LRRC4C: variants seen among roughly 807,000 people sequenced by gnomAD.
LRRC4C encodes the protein leucine rich repeat containing 4C.
A neutral mutation model predicts 33.6 loss-of-function variants in LRRC4C; 5 were observed. The ratio of observed to expected loss-of-function variants is 0.15; its 90% confidence interval spans 0.08 to 0.31. The LOEUF (loss-of-function observed/expected upper bound fraction) is 0.31, where lower values mean the gene tolerates loss of function less well. Ranked by LOEUF, LRRC4C falls within the 10% of genes least tolerant of loss-of-function variation. The pLI is 1.00. For synonymous variants in LRRC4C, 329 were observed against 302.0 expected (o/e 1.09, Z -0.93); for missense variants, 560 against 796.7 (o/e 0.70, Z 3.58).
intron 1 of LRRC4C, among the ~76,000 whole-genome samples, chr11:41,174,482 A>T (rs1945110245): frequency 6.6e-6 from 1 of 152,122 alleles, no homozygotes; most frequent in African/African-American, 2.4e-5. Context: ...GAAAATAATA[A>T]ATAAAAATAT....
At chr11:41,074,030 C>T (rs1938920151) in intron 1 of LRRC4C, among the ~76,000 whole-genome samples, 1 of 152,146 alleles carries the variant, frequency 6.6e-6, no homozygotes, top group South Asian at 2.1e-4. Context: ...AATGCTATTT[C>T]AGATACAACT....
At chr11:40,231,462 A>T (rs1865192836) in intron 5 of LRRC4C, among the ~76,000 whole-genome samples, 1 of 58,170 alleles carries the variant, frequency 1.7e-5, no homozygotes, top group African/African-American at 2.9e-5. Context: ...CAACATATAC[A>T]TTTATAATAA....
At chr11:41,342,664 G>T (rs1233283985) in intron 1 of LRRC4C, among the ~76,000 whole-genome samples, 2 of 152,052 alleles carry the variant, frequency 1.3e-5, no homozygotes, top group Non-Finnish European at 2.9e-5. Context: ...TCAGTGAGCC[G>T]AGATTGTGCC....
At chr11:41,151,985 C>T (rs984818679) in intron 1 of LRRC4C, among the ~76,000 whole-genome samples, 1 of 152,176 alleles carries the variant, frequency 6.6e-6, no homozygotes, top group Non-Finnish European at 1.5e-5. Context: ...GAGGAGATAA[C>T]TTCCATTCAC....
At chr11:40,149,386 T>A (rs1047854518) in intron 5 of LRRC4C, among the ~76,000 whole-genome samples, 1 of 152,210 alleles carries the variant, frequency 6.6e-6, no homozygotes, top group African/African-American at 2.4e-5. Flanking sequence ...TAGTTCTCAT[T>A]GTTGAGATCT....
At chr11:41,039,889 C>G (rs1857322342) in intron 1 of LRRC4C, among the ~76,000 whole-genome samples, 1 of 152,030 alleles carries the variant, frequency 6.6e-6, no homozygotes, top group Admixed American at 6.6e-5. Context: ...CGCCTGTAAT[C>G]TCAGCACTTT....
chr11:40,922,599 A>G (rs1199736795), intron 2 of LRRC4C, among the ~76,000 whole-genome samples: 1 of 152,194 alleles, frequency 6.6e-6, no homozygotes, highest in Non-Finnish European at 1.5e-5. Flanking sequence ...CCCTGGTGCC[A>G]TAAACTCCCT....
intron 3 of LRRC4C, among the ~76,000 whole-genome samples, chr11:40,586,303 C>A (rs1024329783): frequency 2.7e-4 from 40 of 150,932 alleles, no homozygotes; most frequent in Non-Finnish European, 5.2e-4. Context: ...TGTCCTTCAC[C>A]CACTTTTTGA....
chr11:41,041,167 A>G (rs1031315371), intron 1 of LRRC4C, among the ~76,000 whole-genome samples: 12 of 152,204 alleles, frequency 7.9e-5, no homozygotes, highest in African/African-American at 2.9e-4. Context: ...TTGCACACAG[A>G]GAGGAGCAGC....
intron 1 of LRRC4C, among the ~76,000 whole-genome samples, chr11:41,286,644 A>G (rs991920035): frequency 2.1e-5 from 3 of 146,336 alleles, no homozygotes; most frequent in Non-Finnish European, 1.5e-5. Context: ...TTTAGAATTG[A>G]CATTTACTCT....
intron 1 of LRRC4C, among the ~76,000 whole-genome samples, chr11:40,986,517 T>C (rs1467154069): frequency 2.0e-5 from 3 of 151,924 alleles, no homozygotes; most frequent in Non-Finnish European, 4.4e-5. Flanking sequence ...ACTTGAGTCA[T>C]GGAGATCAAA....
At chr11:41,190,604 C>T (rs1171693465) in intron 1 of LRRC4C, among the ~76,000 whole-genome samples, 1 of 152,116 alleles carries the variant, frequency 6.6e-6, no homozygotes, top group East Asian at 1.9e-4. Context: ...CTCACCAATG[C>T]GGATGCATTG....
intron 1 of LRRC4C, among the ~76,000 whole-genome samples, chr11:41,341,597 TCA>T (rs1487025214): frequency 2.0e-5 from 3 of 152,174 alleles, no homozygotes; most frequent in South Asian, 2.1e-4. Flanking sequence ...GCATCAGTTC[TCA>T]GTTATCTACC....
intron 2 of LRRC4C, among the ~76,000 whole-genome samples, chr11:40,724,068 C>T (rs1482776722): frequency 1.3e-5 from 2 of 151,748 alleles, no homozygotes; most frequent in Non-Finnish European, 2.9e-5. Flanking sequence ...CTTAATTATC[C>T]TAAATATATA....
At chr11:40,731,370 C>T (rs764607155) in intron 2 of LRRC4C, among the ~76,000 whole-genome samples, 14 of 151,948 alleles carry the variant, frequency 9.2e-5, no homozygotes, top group Non-Finnish European at 1.8e-4. Context: ...TCCCCACCGC[C>T]CCTTGCTCCT....
At chr11:40,971,387 G>A (rs867557818) in intron 1 of LRRC4C, among the ~76,000 whole-genome samples, 5 of 152,202 alleles carry the variant, frequency 3.3e-5, no homozygotes, top group Non-Finnish European at 7.3e-5. Context: ...TGCTTCAGAA[G>A]AGCAAGCTGT....
chr11:40,844,856 A>G (rs1953082996), intron 2 of LRRC4C, among the ~76,000 whole-genome samples: 1 of 152,188 alleles, frequency 6.6e-6, no homozygotes, highest in South Asian at 2.1e-4. Flanking sequence ...TTCTTACCAC[A>G]CACAAAAAAT....
intron 2 of LRRC4C, among the ~76,000 whole-genome samples, chr11:40,802,613 C>T (rs1157510359): frequency 6.6e-6 from 1 of 151,930 alleles, no homozygotes; most frequent in Non-Finnish European, 1.5e-5. Flanking sequence ...CTTTCAAAGT[C>T]CCTTGCATGT....
At chr11:40,706,606 A>T (rs1392104836) in intron 2 of LRRC4C, among the ~76,000 whole-genome samples, 1 of 152,112 alleles carries the variant, frequency 6.6e-6, no homozygotes. Flanking sequence ...TGTTTTGGTT[A>T]CTGTAGGCTT....
Sources: allele counts gnomAD v4.1 joint callset (sites outside exome capture counted in the v4.1 genomes callset), GRCh38; gene constraint gnomAD v4.1.1; transcripts MANE v1.5; gene names NCBI Gene and HGNC (gene_info 2026-07-23, HGNC 2026-07-21).